LDAH: variants seen among roughly 807,000 people sequenced by gnomAD.
The protein encoded by LDAH is lipid droplet associated hydrolase.
LDAH carries 26 observed loss-of-function variants against 29.6 expected under a neutral mutation model. The observed-to-expected ratio is 0.88, with a 90% CI of 0.64 to 1.22. LDAH has a LOEUF of 1.22. Among genes scored for constraint, LDAH ranks in the 50% most tolerant of loss-of-function variants. LDAH has a pLI of 0.00. For missense variants in LDAH, 344 were observed against 387.3 expected (o/e 0.89, Z 0.94); for synonymous variants, 117 against 133.0 (o/e 0.88, Z 0.83).
At chr2:20,687,868 CAGA>C (rs1431763633) in intron 6 of LDAH, among the ~76,000 whole-genome samples, 1 of 152,184 alleles carries the variant, frequency 6.6e-6, no homozygotes, top group East Asian at 1.9e-4. Context: ...ATCTTATATT[CAGA>C]AGAACAGATA....
At chr2:20,710,643 G>GATATA (rs778882678) in intron 5 of LDAH, among the ~76,000 whole-genome samples, 1 of 138,482 alleles carries the variant, frequency 7.2e-6, no homozygotes, top group African/African-American at 2.7e-5. Context: ...TAGATATATA[G>GATATA]TATACATATA....
chr2:20,782,550 T>C (rs1670268631), intron 3 of LDAH, among the ~76,000 whole-genome samples: 1 of 152,228 alleles, frequency 6.6e-6, no homozygotes, highest in Non-Finnish European at 1.5e-5. Context: ...CAGTCTATTC[T>C]GATCATCTAT....
chr2:20,695,425 G>T lies in LDAH; in HGVS notation c.786+6145C>A, dbSNP rs376730388. ...TGTAATAGTAATAAAAACATTTATT[G>T]AATGCTTAGTGCATTCCAGACACTC... On this transcript the variant is annotated intron_variant, in intron 6 of 6. Coordinates refer to ENST00000237822, the MANE Select transcript of LDAH (RefSeq NM_021925.4). Among the ~76,000 whole-genome samples the T allele has an allele frequency of 1.5e-3, 223 of 151,714 alleles. 5 individuals carry two copies. In the South Asian group the frequency reaches 0.043, roughly 29 times the overall value.
At chr2:20,822,129 CTTT>C (rs11315806) in intron 1 of LDAH, among the ~76,000 whole-genome samples, 4 of 136,758 alleles carry the variant, frequency 2.9e-5, no homozygotes, top group Non-Finnish European at 3.2e-5. Context: ...ACTATCAACT[CTTT>C]TTTTTTTTTT....
At chr2:20,802,826 T>C (rs1671797665) in intron 1 of LDAH, among the ~76,000 whole-genome samples, 1 of 152,234 alleles carries the variant, frequency 6.6e-6, no homozygotes, top group Non-Finnish European at 1.5e-5. Context: ...TCCAAATTCA[T>C]TCTTCATTGT....
intron 1 of LDAH, among the ~76,000 whole-genome samples, chr2:20,816,717 T>C (rs1672875376): frequency 6.6e-6 from 1 of 151,828 alleles, no homozygotes; most frequent in African/African-American, 2.4e-5. Flanking sequence ...CCACCATCAA[T>C]GAACAGGACA....
intron 6 of LDAH, among the ~76,000 whole-genome samples, chr2:20,697,821 T>C (rs1036459741): frequency 6.6e-6 from 1 of 152,210 alleles, no homozygotes; most frequent in East Asian, 1.9e-4. Context: ...AACCAAAATT[T>C]AGTATTTCTT....
intron 1 of LDAH, among the ~76,000 whole-genome samples, chr2:20,803,032 A>C (rs942895642): frequency 1.3e-5 from 2 of 152,312 alleles, no homozygotes; most frequent in African/African-American, 4.8e-5. Flanking sequence ...TCACAACTAG[A>C]GACAATTTGC....
At chr2:20,808,396 TCA>T (rs1311783820) in intron 1 of LDAH, among the ~76,000 whole-genome samples, 19 of 152,022 alleles carry the variant, frequency 1.2e-4, no homozygotes, top group African/African-American at 4.6e-4. Context: ...GCGCGGTGGC[TCA>T]CACGCCTGTA....
intron 6 of LDAH, among the ~76,000 whole-genome samples, chr2:20,700,421 C>T (rs888226095): frequency 2.0e-5 from 3 of 152,150 alleles, no homozygotes; most frequent in South Asian, 2.1e-4. Flanking sequence ...ATACACTTCT[C>T]GTTTTAAGAT....
intron 4 of LDAH, among the ~76,000 whole-genome samples, chr2:20,758,309 A>T (rs772777319): frequency 4.3e-4 from 65 of 152,242 alleles, no homozygotes; most frequent in Non-Finnish European, 5.9e-4. Flanking sequence ...TATGATCAAG[A>T]TATTAAATGA....
chr2:20,742,228 T>C (rs557732918), intron 4 of LDAH, among the ~76,000 whole-genome samples: 32 of 152,324 alleles, frequency 2.1e-4, no homozygotes, highest in African/African-American at 6.7e-4. Flanking sequence ...GTGGTCTATC[T>C]TGGTGAATGT....
intron 5 of LDAH, among the ~76,000 whole-genome samples, chr2:20,718,159 T>A (rs1015235898): frequency 4.6e-5 from 7 of 152,146 alleles, no homozygotes; most frequent in African/African-American, 1.7e-4. Flanking sequence ...ATTAAGTCCT[T>A]ACCTATCAAT....
intron 5 of LDAH, among the ~76,000 whole-genome samples, chr2:20,711,770 A>G (rs1253421420): frequency 6.6e-6 from 1 of 152,214 alleles, no homozygotes; most frequent in Non-Finnish European, 1.5e-5. Context: ...ACGCCCACAG[A>G]GCCTTGCTCA....
intron 4 of LDAH, among the ~76,000 whole-genome samples, chr2:20,743,747 G>A (rs1572527858): frequency 6.6e-6 from 1 of 151,794 alleles, no homozygotes; most frequent in East Asian, 1.9e-4. Flanking sequence ...GAAGTTTGAT[G>A]TCTGACATTA....
At chr2:20,754,365 C>T (rs1668168741) in intron 4 of LDAH, among the ~76,000 whole-genome samples, 1 of 151,712 alleles carries the variant, frequency 6.6e-6, no homozygotes, top group African/African-American at 2.4e-5. Flanking sequence ...GCAGCAAGTG[C>T]CTGTAATCCC....
chr2:20,762,859 T>A (rs1357914823), intron 4 of LDAH, among the ~76,000 whole-genome samples: 1 of 152,196 alleles, frequency 6.6e-6, no homozygotes, highest in African/African-American at 2.4e-5. Flanking sequence ...TTTCAAAACT[T>A]GTTACAATGC....
At chr2:20,735,152 G>A (rs1023902326) in intron 5 of LDAH, among the ~76,000 whole-genome samples, 1 of 152,168 alleles carries the variant, frequency 6.6e-6, no homozygotes, top group East Asian at 1.9e-4. Flanking sequence ...TCTTGAATCT[G>A]TAAATTCATA....
chr2:20,798,317 G>A (rs1458027005), intron 2 of LDAH, among the ~76,000 whole-genome samples: 1 of 152,106 alleles, frequency 6.6e-6, no homozygotes, highest in Non-Finnish European at 1.5e-5. Context: ...TGTGCAGCAG[G>A]CCTGGGGAGC....
Sources: gnomAD v4.1 joint callset for allele counts (sites outside exome capture counted in the v4.1 genomes callset) on GRCh38, gnomAD v4.1.1 for gene constraint, MANE v1.5 for transcripts, NCBI Gene and HGNC (gene_info 2026-07-23, HGNC 2026-07-21) for gene names.